The following PHF24 variants were observed in gnomAD, a reference collection of about 807,000 sequenced individuals.
PHF24 encodes PHD finger protein 24.
Under a neutral mutation model 42.6 loss-of-function variants are expected in PHF24, and 25 were observed. The observed-to-expected ratio is 0.59, with a 90% confidence interval of 0.43 to 0.82. The LOEUF (loss-of-function observed/expected upper bound fraction) is 0.82, where lower values mean the gene tolerates loss of function less well. PHF24 is among the 40% of genes least tolerant of loss of function. PHF24 has a pLI of 0.00. For missense variants in PHF24, 470 were observed against 538.1 expected, an observed-to-expected ratio of 0.87 and a Z score of 1.25; for synonymous variants, 185 against 204.8, an observed-to-expected ratio of 0.90 and a Z score of 0.83.
At chr9:34,904,408 A>G in the PHF24 span, among the ~76,000 whole-genome samples, 4 of 152,184 alleles carry the variant, frequency 2.6e-5, no homozygotes, top group Non-Finnish European at 5.9e-5. Context: ...TTGTATGCCA[A>G]TTTCGCTTAG....
the PHF24 span, among the ~76,000 whole-genome samples, chr9:34,846,306 T>A: frequency 2.0e-5 from 3 of 152,080 alleles, no homozygotes; most frequent in Non-Finnish European, 4.4e-5. Context: ...TGGTGTGAGA[T>A]GGTATCTCAT....
the PHF24 span, among the ~76,000 whole-genome samples, chr9:34,847,219 T>G: frequency 6.6e-6 from 1 of 152,264 alleles, no homozygotes; most frequent in Non-Finnish European, 1.5e-5. Context: ...ATATTGATTC[T>G]TCCTACCCAT....
At chr9:34,966,966 TC>T (rs1826795659) in intron 1 of PHF24, among the ~76,000 whole-genome samples, 1 of 152,186 alleles carries the variant, frequency 6.6e-6, no homozygotes, top group Non-Finnish European at 1.5e-5. Context: ...GGTTTTGAAT[TC>T]CTGGGCTCAA....
the PHF24 span, among the ~76,000 whole-genome samples, chr9:34,766,757 T>C: frequency 1.3e-5 from 2 of 152,210 alleles, no homozygotes; most frequent in South Asian, 2.1e-4. Context: ...CTGCATTCCT[T>C]TGGAGGAGGA....
At chr9:34,806,696 T>C in the PHF24 span, among the ~76,000 whole-genome samples, 7 of 152,318 alleles carry the variant, frequency 4.6e-5, no homozygotes, top group Admixed American at 3.9e-4. Flanking sequence ...TGACCTCAAG[T>C]GATCCACCCA....
At chr9:34,828,111 C>T in the PHF24 span, among the ~76,000 whole-genome samples, 1 of 152,040 alleles carries the variant, frequency 6.6e-6, no homozygotes, top group South Asian at 2.1e-4. Context: ...AGCTTTGCCT[C>T]TGCATACCAT....
chr9:34,810,489 G>A, the PHF24 span, among the ~76,000 whole-genome samples: 2 of 152,172 alleles, frequency 1.3e-5, no homozygotes, highest in African/African-American at 4.8e-5. Flanking sequence ...AGGTGCTCTC[G>A]AGCTGGCTCA....
chr9:34,798,271 A>G, the PHF24 span, among the ~76,000 whole-genome samples: 3 of 152,200 alleles, frequency 2.0e-5, no homozygotes, highest in Non-Finnish European at 2.9e-5. Context: ...ACAAGAGTAC[A>G]TTGTGTGATG....
chr9:34,876,407 A>G, the PHF24 span, among the ~76,000 whole-genome samples: 9 of 152,238 alleles, frequency 5.9e-5, no homozygotes, highest in South Asian at 2.1e-4. Context: ...AAAAGGCTAC[A>G]TACTGTATGG....
the PHF24 span, among the ~76,000 whole-genome samples, chr9:34,793,636 C>T: frequency 6.6e-6 from 1 of 152,058 alleles, no homozygotes; most frequent in Non-Finnish European, 1.5e-5. Flanking sequence ...AGCCTGCAGT[C>T]TAGAAGTGAG....
At chr9:34,756,387 C>T in the PHF24 span, among the ~76,000 whole-genome samples, 7 of 152,290 alleles carry the variant, frequency 4.6e-5, no homozygotes, top group African/African-American at 1.7e-4. Flanking sequence ...GTGTGAGCCA[C>T]TGTGCCTGGC....
At chr9:34,835,687 C>T in the PHF24 span, 47 of 1,550,724 alleles carry the variant, frequency 3.0e-5, no homozygotes, top group Non-Finnish European at 3.9e-5. Flanking sequence ...AAATTCCGGC[C>T]CTAGCTGGAG....
chr9:34,876,213 C>T, the PHF24 span, among the ~76,000 whole-genome samples: 2 of 152,016 alleles, frequency 1.3e-5, no homozygotes, highest in Admixed American at 6.6e-5. Context: ...ATGTTTATCG[C>T]AGCTTTATTC....
At chr9:34,948,057 C>G in the PHF24 span, among the ~76,000 whole-genome samples, 3 of 149,378 alleles carry the variant, frequency 2.0e-5, no homozygotes, top group Non-Finnish European at 4.4e-5. Flanking sequence ...TGCAGTGAGC[C>G]GAGATCGCAC....
chr9:34,907,021 T>C, the PHF24 span, among the ~76,000 whole-genome samples: 5 of 152,174 alleles, frequency 3.3e-5, no homozygotes, highest in African/African-American at 1.2e-4. Context: ...AGACAGGTTG[T>C]CTACTATATT....
the PHF24 span, among the ~76,000 whole-genome samples, chr9:34,720,704 A>T: frequency 6.6e-6 from 1 of 152,062 alleles, no homozygotes. Flanking sequence ...GAGCACTAGG[A>T]TGCCATCTCT....
chr9:34,825,097 C>G, the PHF24 span, among the ~76,000 whole-genome samples: 1 of 151,964 alleles, frequency 6.6e-6, no homozygotes, highest in Admixed American at 6.6e-5. Context: ...AACTGGGGAA[C>G]CAGGACCTGG....
At chr9:34,938,806 G>A in the PHF24 span, among the ~76,000 whole-genome samples, 1 of 151,592 alleles carries the variant, frequency 6.6e-6, no homozygotes, top group East Asian at 1.9e-4. Flanking sequence ...GCGTGGTGGC[G>A]GGCGCCTGTA....
chr9:34,957,053 G>A (rs2132834387), upstream of PHF24, among the ~76,000 whole-genome samples: 1 of 152,274 alleles, frequency 6.6e-6, no homozygotes, highest in African/African-American at 2.4e-5. Context: ...GAAACTAACA[G>A]TAGACTCCCT....
Sources: allele counts gnomAD v4.1 joint callset (sites outside exome capture counted in the v4.1 genomes callset), GRCh38; gene constraint gnomAD v4.1.1; transcripts MANE v1.5; gene names NCBI Gene and HGNC (gene_info 2026-07-23, HGNC 2026-07-21).